Variants in URB1 observed in about 807,000 individuals in gnomAD.
The protein encoded by URB1 is URB1 ribosome biogenesis factor.
A neutral mutation model predicts 242.3 loss-of-function variants in URB1; 197 were observed. That is an observed-to-expected ratio of 0.81 (90% CI 0.72 to 0.91). URB1 has a LOEUF of 0.91. URB1 is among the 40% of genes least tolerant of loss of function. URB1 has a pLI of 0.00. For synonymous variants in URB1, 1,153 were observed against 1,201.8 expected (o/e 0.96, Z 0.84); for missense variants, 2,721 against 2,860.5 (o/e 0.95, Z 1.11).
At chr21:32,322,358 C>T (rs892352083) in intron 33 of URB1, 120 bp downstream of exon 33, 41 of 932,558 alleles carry the variant, frequency 4.4e-5, no homozygotes, top group Non-Finnish European at 6.2e-5. Context: ...TGGCCACCGA[C>T]TGCACAATCG....
intron 30 of URB1, among the ~76,000 whole-genome samples, chr21:32,331,661 CA>C (rs1282586455): frequency 6.6e-6 from 1 of 152,156 alleles, no homozygotes; most frequent in African/African-American, 2.4e-5. Context: ...TTCTCTCTAA[CA>C]AAAAAGAATG....
At chr21:32,336,163 G>C (rs2032956891) in intron 28 of URB1, among the ~76,000 whole-genome samples, 1 of 151,832 alleles carries the variant, frequency 6.6e-6, no homozygotes, top group Admixed American at 6.5e-5. Flanking sequence ...GAGCTTCTAT[G>C]CAAGCCCTGG....
chr21:32,358,710 A>G (rs1245168019), intron 14 of URB1, among the ~76,000 whole-genome samples: 1 of 152,166 alleles, frequency 6.6e-6, no homozygotes, highest in Non-Finnish European at 1.5e-5. Context: ...TCAAGATCCC[A>G]TGAGCCTAGT....
intron 4 of URB1, among the ~76,000 whole-genome samples, chr21:32,382,763 T>C (rs1340628194): frequency 6.6e-6 from 1 of 152,118 alleles, no homozygotes; most frequent in East Asian, 1.9e-4. Context: ...GCACACGCGA[T>C]GGGAGGATGC....
At chr21:32,376,906 C>G (rs1157310684) in intron 5 of URB1, among the ~76,000 whole-genome samples, 1 of 152,038 alleles carries the variant, frequency 6.6e-6, no homozygotes, top group Non-Finnish European at 1.5e-5. Context: ...AAGCAATCCT[C>G]CAGCCTCCAA....
intron 23 of URB1, 33 bp downstream of exon 23, chr21:32,345,341 G>C: frequency 6.5e-7 from 1 of 1,541,320 alleles, no homozygotes; most frequent in Non-Finnish European, 8.8e-7. Context: ...CACCGAGAGT[G>C]GAACATCCTG....
intron 38 of URB1, 61 bp downstream of exon 38, chr21:32,316,405 C>T (rs1442135310): frequency 2.1e-6 from 3 of 1,455,546 alleles, no homozygotes; most frequent in Non-Finnish European, 2.7e-6. Context: ...GAAATCACTC[C>T]TGCCCCCAGG....
chr21:32,376,194 T>C lies in URB1; in HGVS notation c.665-711A>G, dbSNP rs565634301. Among the ~76,000 whole-genome samples, 35 of 152,362 alleles carry C rather than the reference T, an allele frequency of 2.3e-4. No individual in the cohort carries two copies. In the South Asian group the frequency reaches 6.6e-3, roughly 29 times the overall value. ...TGAGATGTGTTTAAAGAGATGGTCA[T>C]GATTTTTTAAGTTGGCAGTAGAATT... On this transcript the variant is annotated intron_variant, in intron 5 of 38. Coordinates refer to ENST00000382751, the MANE Select transcript of URB1 (RefSeq NM_014825.3).
intron 36 of URB1, among the ~76,000 whole-genome samples, chr21:32,318,750 A>G (rs1329358989): frequency 6.6e-6 from 1 of 152,236 alleles, no homozygotes; most frequent in Non-Finnish European, 1.5e-5. Context: ...ATCGGAGGAA[A>G]ATACTGAAAC....
chr21:32,349,116 A>C (rs2123581561), intron 21 of URB1, among the ~76,000 whole-genome samples, 188 bp downstream of exon 21: 1 of 152,268 alleles, frequency 6.6e-6, no homozygotes, highest in East Asian at 1.9e-4. Flanking sequence ...CAGAAAAGCA[A>C]CAGGAAAGAG....
chr21:32,324,276 C>G (rs765055281), intron 32 of URB1, among the ~76,000 whole-genome samples: 5 of 152,238 alleles, frequency 3.3e-5, no homozygotes, highest in Non-Finnish European at 7.3e-5. Context: ...TTTCACCCCC[C>G]AGGGGTCCAT....
At position 32,317,935 on chromosome 21, in the gene URB1, T is replaced by G. The variant is rs1028179061; in HGVS notation, c.5793-18A>C. ...AGGTGGGCCTGTTTGGGAGTCAATG[T>G]TACAGACTGAGCAAAGGCTGCTGCC... On this transcript the variant is annotated intron_variant, in intron 36 of 38. Coordinates refer to ENST00000382751, the MANE Select transcript of URB1 (RefSeq NM_014825.3). 1.3e-6 allele frequency: 2 copies of G among 1,550,974 alleles called. No individual in the cohort carries two copies. Among genetic ancestry groups the G allele is most frequent in the Non-Finnish European group, 1.7e-6 (2 of 1,146,792 alleles).
chr21:32,329,886 C>T (rs2032873747), intron 30 of URB1, among the ~76,000 whole-genome samples: 1 of 152,184 alleles, frequency 6.6e-6, no homozygotes, highest in Admixed American at 6.5e-5. Context: ...AGCTTGGCAG[C>T]AAAGATTACA....
At chr21:32,386,898 C>T (rs185234777) in intron 1 of URB1, among the ~76,000 whole-genome samples, 1 of 152,236 alleles carries the variant, frequency 6.6e-6, no homozygotes, top group East Asian at 1.9e-4. Context: ...GCTCCAGAGC[C>T]CATATTCTCC....
chr21:32,357,364 G>A (rs1005835874), intron 15 of URB1, among the ~76,000 whole-genome samples, 173 bp downstream of exon 15: 9 of 149,514 alleles, frequency 6.0e-5, no homozygotes, highest in African/African-American at 2.2e-4. Context: ...TGCCTCCCAG[G>A]AATGTAGCTA....
At chr21:32,352,435 G>GC (rs2033168213) in intron 19 of URB1, among the ~76,000 whole-genome samples, 1 of 152,196 alleles carries the variant, frequency 6.6e-6, no homozygotes, top group African/African-American at 2.4e-5. Flanking sequence ...CAACGCTCCT[G>GC]CCCCAGGCTG....
rs559445258 is a variant in URB1 at position 32,346,816 on chromosome 21, C to G, written c.3868+140G>C. 7 of 1,246,990 alleles carry G rather than the reference C, an allele frequency of 5.6e-6. No individual in the cohort carries two copies. The South Asian group carries it at 1.2e-4, about 21-fold the overall frequency. 77.2% of individuals were successfully genotyped at this position (1,246,990 alleles called of 1,614,324 possible). ...GGAGAATTACTCCACCTTTCTCCAT[C>G]TTCAGAGTTGTGTCAGACACTGGAA... On this transcript the variant is annotated intron_variant, in intron 22 of 38. Coordinates refer to ENST00000382751, the MANE Select transcript of URB1 (RefSeq NM_014825.3).
At position 32,316,511 on chromosome 21, in the gene URB1, C is replaced by T. The variant is rs1005749164; in HGVS notation, c.6589G>A (p.Ala2197Thr). ...TCACTCAGAGAAGACAGGGAGAGGG[C>T]TTCCATGGCCGGGTGGAAGGGGCTC... ...AGSPFHPAME[A>T]LSLSSLSEKD... The change falls in exon 38 of 39, where the codon GCC (alanine) becomes ACC (threonine). Residue 2197 changes from alanine (A) to threonine (T), a missense_variant. Ala to Thr is a moderately conservative substitution (Grantham distance 58). Transcript: ENST00000382751. 17 of 1,546,544 alleles carry T rather than the reference C, an allele frequency of 1.1e-5. No individual in the cohort carries two copies. The highest frequency in any genetic ancestry group is 1.5e-5 in the Non-Finnish European group (17 of 1,144,800).
At chr21:32,337,331 T>C in intron 27 of URB1, 73 bp downstream of exon 27, 5 of 1,424,714 alleles carry the variant, frequency 3.5e-6, no homozygotes, top group Non-Finnish European at 4.8e-6. Flanking sequence ...CAGCTCTCAT[T>C]CCCTATCTCT....
Sources: gnomAD v4.1 joint callset for allele counts (sites outside exome capture counted in the v4.1 genomes callset) on GRCh38, gnomAD v4.1.1 for gene constraint, MANE v1.5 for transcripts, NCBI Gene and HGNC (gene_info 2026-07-23, HGNC 2026-07-21) for gene names.